NDUFV2: variants seen among roughly 807,000 people sequenced by gnomAD.
NDUFV2 encodes the protein NADH:ubiquinone oxidoreductase core subunit V2.
A neutral mutation model predicts 31.6 loss-of-function variants in NDUFV2; 18 were observed. The ratio of observed to expected loss-of-function variants is 0.57; its 90% confidence interval spans 0.39 to 0.84. The LOEUF (loss-of-function observed/expected upper bound fraction) is 0.84, where lower values mean the gene tolerates loss of function less well. NDUFV2 is among the 40% of genes least tolerant of loss of function. NDUFV2 has a pLI of 0.00. For missense variants in NDUFV2, 314 were observed against 303.6 expected (o/e 1.03, Z -0.26); for synonymous variants, 83 against 99.8 (o/e 0.83, Z 1.01).
intron 1 of NDUFV2, among the ~76,000 whole-genome samples, chr18:9,110,492 T>C (rs145560857): frequency 3.9e-5 from 6 of 152,230 alleles, no homozygotes; most frequent in African/African-American, 1.2e-4. Flanking sequence ...TTAGTTTGTT[T>C]CTTTCTTTAT....
chr18:9,134,093 A>T, intron 7 of NDUFV2, 93 bp from the exon 8 acceptor site: 1 of 876,802 alleles, frequency 1.1e-6, no homozygotes, highest in Admixed American at 1.9e-5. Flanking sequence ...AAAAATAGTT[A>T]CTTAACTGGG....
chr18:9,107,503 T>G (rs1345556877), intron 1 of NDUFV2, among the ~76,000 whole-genome samples: 1 of 152,214 alleles, frequency 6.6e-6, no homozygotes, highest in Non-Finnish European at 1.5e-5. Context: ...ACATTTTGGT[T>G]AGGGGGAAGG....
intron 4 of NDUFV2, 146 bp from the exon 5 acceptor site, chr18:9,122,367 C>A: frequency 2.8e-6 from 2 of 706,834 alleles, no homozygotes; most frequent in South Asian, 1.8e-5. Flanking sequence ...TCCCAGTTAT[C>A]CAAGACAAGT....
intron 5 of NDUFV2, among the ~76,000 whole-genome samples, chr18:9,124,172 A>AATT (rs1159587935): frequency 6.6e-5 from 10 of 151,802 alleles, no homozygotes; most frequent in African/African-American, 2.4e-4. Context: ...TGAATGTTAA[A>AATT]ATTACATAGA....
At chr18:9,110,960 T>TA (rs1207564706) in intron 1 of NDUFV2, among the ~76,000 whole-genome samples, 2 of 152,144 alleles carry the variant, frequency 1.3e-5, no homozygotes, top group African/African-American at 4.8e-5. Flanking sequence ...TGGCAAGGAT[T>TA]AAAAAAAGAT....
intron 1 of NDUFV2, among the ~76,000 whole-genome samples, chr18:9,116,508 C>G (rs1470634296): frequency 1.3e-5 from 2 of 152,142 alleles, no homozygotes; most frequent in Non-Finnish European, 2.9e-5. Context: ...TTTTTCAAAA[C>G]AAAACCAACA....
intron 1 of NDUFV2, chr18:9,103,220 T>G: frequency 5.0e-6 from 2 of 398,824 alleles, no homozygotes; most frequent in Non-Finnish European, 8.8e-6. Context: ...TCTGGCTTGC[T>G]TCGTGAAGGC....
chr18:9,106,366 G>A (rs1022666326), intron 1 of NDUFV2, among the ~76,000 whole-genome samples: 3 of 152,152 alleles, frequency 2.0e-5, no homozygotes, highest in Non-Finnish European at 4.4e-5. Context: ...GTTCCCCAGT[G>A]CCTTCAGAAA....
intron 2 of NDUFV2, 139 bp from the exon 3 acceptor site, chr18:9,119,187 G>C: frequency 1.4e-6 from 1 of 700,640 alleles, no homozygotes; most frequent in Non-Finnish European, 2.5e-6. Flanking sequence ...CATTCTTTTT[G>C]ATGGAAGGAT....
intron 7 of NDUFV2, 83 bp downstream of exon 7, chr18:9,126,990 C>T (rs2077996864): frequency 9.2e-7 from 1 of 1,083,844 alleles, no homozygotes; most frequent in Non-Finnish European, 1.4e-6. Flanking sequence ...AAATTTTATA[C>T]CTTAAGTTCA....
At chr18:9,126,962 A>G in intron 7 of NDUFV2, 55 bp downstream of exon 7, 1 of 1,427,284 alleles carries the variant, frequency 7.0e-7, no homozygotes, top group Non-Finnish European at 9.9e-7. Flanking sequence ...TTAATCTTTC[A>G]GATAAACTTG....
chr18:9,102,747 T>C lies in NDUFV2; in HGVS notation c.4T>C (p.Phe2Leu). ...AAGGTGAACAGTGTGGCCCGCCATG[T>C]TCTTCTCCGCGGCGCTCCGGGCCCG... Reference protein sequence around the residue: MFFSAALRARAA... With the variant: MLFSAALRARAA... The change falls in exon 1 of 8, where the codon TTC becomes CTC. Residue 2 changes from phenylalanine (F) to leucine (L), a missense_variant. Physicochemically the swap from Phe to Leu is conservative, Grantham distance 22. Transcript: ENST00000318388. 1 of 1,580,774 alleles carries C rather than the reference T, an allele frequency of 6.3e-7. No individual in the cohort carries two copies. The highest frequency in any genetic ancestry group is 8.6e-7 in the Non-Finnish European group (1 of 1,163,410).
intron 7 of NDUFV2, among the ~76,000 whole-genome samples, chr18:9,133,942 T>C (rs2078062262): frequency 6.6e-6 from 1 of 152,006 alleles, no homozygotes; most frequent in African/African-American, 2.4e-5. Context: ...GCTCAGTAAA[T>C]AGGAACTATT....
chr18:9,121,022 T>C (rs1373919998), intron 4 of NDUFV2, among the ~76,000 whole-genome samples: 1 of 152,004 alleles, frequency 6.6e-6, no homozygotes, highest in Non-Finnish European at 1.5e-5. Flanking sequence ...GATGTTGATG[T>C]GGGAGGATTG....
intron 4 of NDUFV2, among the ~76,000 whole-genome samples, chr18:9,120,017 T>A (rs1214449499): frequency 1.3e-5 from 2 of 152,178 alleles, no homozygotes; most frequent in Non-Finnish European, 2.9e-5. Flanking sequence ...AAAATCTGTA[T>A]AATAGGTGAT....
intron 1 of NDUFV2, chr18:9,103,200 A>C (rs1274302163): frequency 2.5e-6 from 1 of 399,744 alleles, no homozygotes; most frequent in African/African-American, 2.1e-5. Flanking sequence ...GTTGCAGCAT[A>C]CTGGAGAGCT....
intron 7 of NDUFV2, among the ~76,000 whole-genome samples, chr18:9,129,478 A>G (rs961093162): frequency 1.3e-5 from 2 of 152,214 alleles, no homozygotes; most frequent in African/African-American, 2.4e-5. Context: ...AAGTTCTCAT[A>G]TATCTTCTAG....
chr18:9,117,679 C>A, intron 1 of NDUFV2, 159 bp from the exon 2 acceptor site: 1 of 570,180 alleles, frequency 1.8e-6, no homozygotes, highest in Non-Finnish European at 3.2e-6. Context: ...TGTAAAATAA[C>A]TCTCCTGAAA....
intron 1 of NDUFV2, among the ~76,000 whole-genome samples, chr18:9,114,453 T>G (rs1293783916): frequency 6.6e-6 from 1 of 151,694 alleles, no homozygotes; most frequent in African/African-American, 2.4e-5. Context: ...ATCTTTTTTT[T>G]TTTTTTTTTT....
Sources: allele counts gnomAD v4.1 joint callset (sites outside exome capture counted in the v4.1 genomes callset), GRCh38; gene constraint gnomAD v4.1.1; transcripts MANE v1.5; gene names NCBI Gene and HGNC (gene_info 2026-07-23, HGNC 2026-07-21).